CSNK1D: variants seen among roughly 807,000 people sequenced by gnomAD.
CSNK1D encodes the protein casein kinase I isoform delta.
A neutral mutation model predicts 46.6 loss-of-function variants in CSNK1D; 16 were observed. The ratio of observed to expected loss-of-function variants is 0.34; its 90% confidence interval spans 0.23 to 0.52. CSNK1D has a LOEUF of 0.52. Ranked by LOEUF, CSNK1D falls within the 20% of genes least tolerant of loss-of-function variation. The pLI is 0.95. For synonymous variants in CSNK1D, 276 were observed against 228.2 expected, an observed-to-expected ratio of 1.21 and a Z score of -1.89; for missense variants, 398 against 578.4, an observed-to-expected ratio of 0.69 and a Z score of 3.20.
At chr17:82,240,053 C>G, downstream of CSNK1D, 1 of 1,233,844 alleles carries the variant, frequency 8.1e-7, no homozygotes. Context: ...GATGCCATGT[C>G]CCTGCTCCTC....
rs1249256980 is a variant in CSNK1D, at chr17:82,265,741, G to C, written c.132C>G (p.Thr44=). 3 of 1,614,062 alleles carry C rather than the reference G, an allele frequency of 1.9e-6. No homozygotes were observed. The highest frequency in any genetic ancestry group is 2.5e-6 in the Non-Finnish European group (3 of 1,180,028). ...EVAIKLECVK[T]KHPQLHIESK... ...TCTCAATGTGGAGCTGAGGGTGTTT[G>C]GTTTTGACACATTCAAGCTTGATGG... The change falls in exon 2 of 9, where the codon ACC becomes ACG. Residue 44 remains threonine, a synonymous_variant. Coordinates refer to ENST00000314028, the MANE Select transcript of CSNK1D (RefSeq NM_001893.6).
At chr17:82,267,803 CG>C (rs2051515987) in intron 1 of CSNK1D, among the ~76,000 whole-genome samples, 1 of 152,236 alleles carries the variant, frequency 6.6e-6, no homozygotes, top group African/African-American at 2.4e-5. Context: ...AGTGCAGCCT[CG>C]GACAGTACCG....
rs572190875 is a variant in CSNK1D, at chr17:82,252,956, C to A, written c.565+60G>T. 2.0e-4 allele frequency: 293 copies of A among 1,475,114 alleles called. No homozygotes were observed. The African/African-American group carries it at 3.6e-3, about 18-fold the overall frequency. 91.4% of individuals were successfully genotyped at this position (1,475,114 alleles called of 1,614,324 possible). A position where few individuals can be genotyped will look rare whatever the true frequency, so the allele number is the denominator to read the frequency against. ...CCCGAGAGGCTGGCCTCTCCCTGGG[C>A]TGAGGCATGGACGCGCCCAAAGGCA... On this transcript the variant is annotated intron_variant, in intron 4 of 8. Coordinates refer to ENST00000314028, the MANE Select transcript of CSNK1D (RefSeq NM_001893.6). The surrounding 1 kb of genome is among the most constrained non-coding windows in gnomAD (Gnocchi z 4.6).
chr17:82,247,008 G>C, intron 8 of CSNK1D: 1 of 985,454 alleles, frequency 1.0e-6, no homozygotes, highest in Non-Finnish European at 1.2e-6. Context: ...AAGGACACAC[G>C]GCCAAAGCCT....
Position 82,243,467 on chromosome 17 carries a change from T to A in CSNK1D, c.*1314A>T. The A allele has an allele frequency of 1.0e-6, 1 of 985,510 alleles. No individual in the cohort carries two copies. The highest frequency in any genetic ancestry group is 1.2e-6 in the Non-Finnish European group (1 of 829,960). The allele number at this position is 985,510 out of a possible 1,614,324, so 61.0% of individuals were successfully genotyped here. A position where few individuals can be genotyped will look rare whatever the true frequency, so the allele number is the denominator to read the frequency against. ...CCTCAGGGCACAGCAGCATGGAGCCTGGGGCAGCACCAGCTCACGGAGGCC... is the reference window on the plus strand; with the variant it reads ...CCTCAGGGCACAGCAGCATGGAGCCAGGGGCAGCACCAGCTCACGGAGGCC... On this transcript the variant is annotated 3_prime_UTR_variant, in exon 9 of 9. Coordinates refer to ENST00000314028, the MANE Select transcript of CSNK1D (RefSeq NM_001893.6).
At chr17:82,254,566 G>A (rs1184429877) in intron 3 of CSNK1D, 2 of 164,382 alleles carry the variant, frequency 1.2e-5, no homozygotes, top group East Asian at 3.2e-4. Context: ...GCCTCGAGAC[G>A]CCAGTGAGCT....
At position 82,273,189 on chromosome 17, in the gene CSNK1D, G is replaced by A; in HGVS notation, c.76+117C>T. ...TGGGTTCTGGCCACGATCCGGCGGT[G>A]CCGGGACTTGCGCGGAGACCCCGCG... On this transcript the variant is annotated intron_variant, in intron 1 of 8. Transcript: ENST00000314028. The surrounding 1 kb of genome is among the most constrained non-coding windows in gnomAD (Gnocchi z 5.1). 9.3e-7 allele frequency: 1 copy of A among 1,075,226 alleles called. No individual in the cohort carries two copies. 66.6% of individuals were successfully genotyped at this position (1,075,226 alleles called of 1,614,324 possible).
chr17:82,268,311 C>T lies in CSNK1D; in HGVS notation c.77-2515G>A, dbSNP rs544154942. On this transcript the variant is annotated intron_variant, in intron 1 of 8. Coordinates refer to ENST00000314028, the MANE Select transcript of CSNK1D (RefSeq NM_001893.6). ...GACCCCCTGGCCTGCAGCCCTGTCC[C>T]ACCTCGCCCACCGGGGGCACCCCCA... is the stretch of plus-strand genomic sequence containing the variant. 2.0e-5 allele frequency among the ~76,000 whole-genome samples: 3 copies of T among 152,306 alleles called. No homozygotes were observed. In the South Asian group the frequency reaches 6.2e-4, roughly 32 times the overall value.
Position 82,255,442 on chromosome 17 carries a change from A to G in CSNK1D, c.323T>C (p.Leu108Pro). 1 of 1,614,182 alleles carries G rather than the reference A, an allele frequency of 6.2e-7. No homozygotes were observed. The highest frequency in any genetic ancestry group is 8.5e-7 in the Non-Finnish European group (1 of 1,180,032). ...RKFSLKTVLL[L>P]ADQMISRIEY... ...AACAGTCCTTACCATTTGGTCAGCA[A>G]GCAGCAGGACGGTTTTGAGGCTGAA... Residue 108 changes from leucine to proline, a missense_variant, in exon 3 of 9, where the codon CTT (leucine) becomes CCT (proline). By Grantham distance (98) the Leu-to-Pro change is moderately conservative. Around this residue, in one of 2 missense-constraint regions of CSNK1D, gnomAD observed 217 missense variants for 370.3 expected, o/e 0.59. Coordinates refer to ENST00000314028, the MANE Select transcript of CSNK1D (RefSeq NM_001893.6). The surrounding 1 kb of genome is among the most constrained non-coding windows in gnomAD (Gnocchi z 5.9).
rs749160505 is a variant in CSNK1D, at chr17:82,244,872, G to T, written c.1198-41C>A. ...CACAGGAGAAGGTCAGCATGGGGCTGGGGGAGCCGGCCAGGCAGATACCAC... is the reference window on the plus strand; with the variant it reads ...CACAGGAGAAGGTCAGCATGGGGCTTGGGGAGCCGGCCAGGCAGATACCAC... On this transcript the variant is annotated intron_variant, in intron 8 of 8. Coordinates refer to ENST00000314028, the MANE Select transcript of CSNK1D (RefSeq NM_001893.6). The T allele has an allele frequency of 4.3e-6, 7 of 1,612,514 alleles. No homozygotes were observed. The African/African-American group carries it at 8.0e-5, about 18-fold the overall frequency.
Position 82,243,366 on chromosome 17 carries a change from A to G in CSNK1D, c.*1415T>C, listed in dbSNP as rs2050774421. The G allele has an allele frequency of 1.1e-5, 11 of 985,536 alleles. No individual in the cohort carries two copies. The highest frequency in any genetic ancestry group is 1.1e-5 in the Non-Finnish European group (9 of 830,006). The allele number at this position is 985,536 out of a possible 1,614,324, so 61.0% of individuals were successfully genotyped here. On this transcript the variant is annotated 3_prime_UTR_variant, in exon 9 of 9. Transcript: ENST00000314028. ...CCCACGAACACAGACTGCCCTGCGC[A>G]TTGGGGTTGGGAGCACATGGCCACT... is the stretch of plus-strand genomic sequence containing the variant.
chr17:82,242,866 G>A lies in CSNK1D; in HGVS notation c.*1915C>T, dbSNP rs887894172. The A allele has an allele frequency of 2.2e-5, 22 of 985,322 alleles. No individual in the cohort carries two copies. Among genetic ancestry groups the A allele is most frequent in the South Asian group, 4.7e-5 (1 of 21,294 alleles). 61.0% of individuals were successfully genotyped at this position (985,322 alleles called of 1,614,324 possible). On this transcript the variant is annotated 3_prime_UTR_variant, in exon 9 of 9. Transcript: ENST00000314028. Reference sequence around the variant, plus strand: ...AAGCACTCCGAAGACGCGACCCGGCGAGGCTCGGGCTGGAACCCGGGCGCA... The same window carrying A: ...AAGCACTCCGAAGACGCGACCCGGCAAGGCTCGGGCTGGAACCCGGGCGCA...
intron 1 of CSNK1D, chr17:82,266,733 C>G (rs1181208785): frequency 6.6e-6 from 1 of 152,352 alleles, no homozygotes; most frequent in Non-Finnish European, 1.5e-5. Flanking sequence ...ACCCAGCTCT[C>G]TCCTCTTCCC....
chr17:82,262,607 A>G (rs2051368592), intron 2 of CSNK1D, among the ~76,000 whole-genome samples: 1 of 152,182 alleles, frequency 6.6e-6, no homozygotes, highest in Admixed American at 6.5e-5. Context: ...CAGAGATAGC[A>G]GGACAATCTG....
In CSNK1D at chr17:82,245,089, G is replaced by C. The variant is rs949399479; in HGVS notation, c.1198-258C>G. 1.7e-5 allele frequency: 10 copies of C among 600,778 alleles called. No homozygotes were observed. In the Admixed American group the frequency reaches 1.7e-4, roughly 10 times the overall value. 37.2% of individuals were successfully genotyped at this position (600,778 alleles called of 1,614,324 possible). A position where few individuals can be genotyped will look rare whatever the true frequency, so the allele number is the denominator to read the frequency against. On this transcript the variant is annotated intron_variant, in intron 8 of 8. Coordinates refer to ENST00000314028, the MANE Select transcript of CSNK1D (RefSeq NM_001893.6). ...CGGAGCCGGGCTCGGCAGGGTCGAA[G>C]GATCCGAGTGGAGCGGAGACGGGTG...
rs1406616940 is a variant in CSNK1D at position 82,243,806 on chromosome 17, G to A, written c.*975C>T. ...AATGGACTGAGTGCAAAGGCAGCAA[G>A]GCAACAAACACTACAGTAACCACCT... On this transcript the variant is annotated 3_prime_UTR_variant, in exon 9 of 9. Coordinates refer to ENST00000314028, the MANE Select transcript of CSNK1D (RefSeq NM_001893.6). 9.1e-6 allele frequency: 9 copies of A among 985,358 alleles called. No homozygotes were observed. Among genetic ancestry groups the A allele is most frequent in the Non-Finnish European group, 9.6e-6 (8 of 829,974 alleles). The allele number at this position is 985,358 out of a possible 1,614,324, so 61.0% of individuals were successfully genotyped here.
intron 2 of CSNK1D, chr17:82,265,378 T>C: frequency 2.6e-6 from 1 of 382,426 alleles, no homozygotes; most frequent in Non-Finnish European, 5.0e-6. Flanking sequence ...GGGGTTTCAC[T>C]ACGTTGGCCA....
Position 82,273,236 on chromosome 17 carries a change from G to T in CSNK1D, c.76+70C>A. 1.3e-6 allele frequency: 2 copies of T among 1,482,984 alleles called. No individual in the cohort carries two copies. The highest frequency in any genetic ancestry group is 1.8e-6 in the Non-Finnish European group (2 of 1,090,002). 91.9% of individuals were successfully genotyped at this position (1,482,984 alleles called of 1,614,324 possible). A position where few individuals can be genotyped will look rare whatever the true frequency, so the allele number is the denominator to read the frequency against. On this transcript the variant is annotated intron_variant, in intron 1 of 8. Transcript: ENST00000314028. This position sits in a 1 kb window ranked among gnomAD's most constrained non-coding sequence, Gnocchi z 5.1. ...CGCGGGGGCCACCACTTCCTTCCGC[G>T]ATCGCGCTTGGTCTTGGCAGCCGCA... is the stretch of plus-strand genomic sequence containing the variant.
chr17:82,252,937 A>G lies in CSNK1D; in HGVS notation c.565+79T>C, dbSNP rs2051050502. The G allele has an allele frequency of 7.5e-7, 1 of 1,324,836 alleles. No homozygotes were observed. Among genetic ancestry groups the G allele is most frequent in the African/African-American group, 1.5e-5 (1 of 68,942 alleles). 82.1% of individuals were successfully genotyped at this position (1,324,836 alleles called of 1,614,324 possible). A position where few individuals can be genotyped will look rare whatever the true frequency, so the allele number is the denominator to read the frequency against. The stretch of plus-strand genomic sequence containing the variant: ...ACGCTTGCAGCCCCAGCTCCCCGAG[A>G]GGCTGGCCTCTCCCTGGGCTGAGGC... On this transcript the variant is annotated intron_variant, in intron 4 of 8. Transcript: ENST00000314028. This position sits in a 1 kb window ranked among gnomAD's most constrained non-coding sequence, Gnocchi z 4.6.
Sources: gnomAD v4.1 joint callset for allele counts (sites outside exome capture counted in the v4.1 genomes callset) on GRCh38, gnomAD v4.1.1 for gene constraint, gnomAD v4.1.1 regional missense constraint, Gnocchi (gnomAD v3.1) non-coding constraint, MANE v1.5 for transcripts, NCBI Gene and HGNC (gene_info 2026-07-23, HGNC 2026-07-21) for gene names.